NAALADL2: variants seen among roughly 807,000 people sequenced by gnomAD.
NAALADL2 encodes the protein inactive N-acetylated-alpha-linked acidic dipeptidase-like protein 2.
A neutral mutation model predicts 87.2 loss-of-function variants in NAALADL2; 76 were observed. That is an observed-to-expected ratio of 0.87 (90% CI 0.72 to 1.05). The LOEUF is 1.05. Ranked by LOEUF, NAALADL2 falls within the 50% of genes least tolerant of loss-of-function variation. The probability of loss-of-function intolerance (pLI) is 0.00; values close to 1 mark genes in which losing one functional copy is unlikely to be tolerated. For synonymous variants in NAALADL2, 354 were observed against 331.0 expected, an observed-to-expected ratio of 1.07 and a Z score of -0.75; for missense variants, 1,089 against 945.8, an observed-to-expected ratio of 1.15 and a Z score of -1.99.
intron 2 of NAALADL2, among the ~76,000 whole-genome samples, chr3:174,689,767 T>C (rs556551638): frequency 6.6e-6 from 1 of 152,262 alleles, no homozygotes; most frequent in African/African-American, 2.4e-5. Context: ...GGGTGTTGAA[T>C]TGAGTTTTAA....
At chr3:174,988,916 T>G (rs1447366751) in intron 1 of NAALADL2, among the ~76,000 whole-genome samples, 1 of 152,170 alleles carries the variant, frequency 6.6e-6, no homozygotes, top group Non-Finnish European at 1.5e-5. Flanking sequence ...AAAAGAGATT[T>G]ATTTGGCTCA....
intron 6 of NAALADL2, among the ~76,000 whole-genome samples, chr3:175,455,972 A>G (rs185430928): frequency 2.5e-3 from 376 of 152,178 alleles, no homozygotes; most frequent in African/African-American, 8.6e-3. Context: ...CTCTAGAAGA[A>G]CTATGCCTAG....
At chr3:174,794,579 T>G (rs903504303) in intron 3 of NAALADL2, among the ~76,000 whole-genome samples, 3 of 152,158 alleles carry the variant, frequency 2.0e-5, no homozygotes, top group Non-Finnish European at 4.4e-5. Context: ...TTATTTAAGT[T>G]TTGCCATCAA....
intron 2 of NAALADL2, among the ~76,000 whole-genome samples, chr3:175,168,061 G>C (rs542205072): frequency 6.6e-6 from 1 of 151,614 alleles, no homozygotes; most frequent in African/African-American, 2.4e-5. Context: ...CCCAAACCAC[G>C]TTTCCACTTT....
intron 11 of NAALADL2, among the ~76,000 whole-genome samples, chr3:175,717,207 C>T (rs539945116): frequency 1.4e-4 from 21 of 152,186 alleles, no homozygotes; most frequent in South Asian, 2.1e-4. Context: ...CAAAGCACTT[C>T]GATTACAGGT....
intron 2 of NAALADL2, among the ~76,000 whole-genome samples, chr3:174,655,933 G>T (rs942188591): frequency 6.6e-5 from 10 of 152,150 alleles, no homozygotes; most frequent in Admixed American, 5.9e-4. Flanking sequence ...TGATGTTGTT[G>T]TTCTTACCGG....
chr3:175,104,528 G>T (rs929263316), intron 2 of NAALADL2, among the ~76,000 whole-genome samples: 4 of 151,964 alleles, frequency 2.6e-5, no homozygotes, highest in African/African-American at 9.7e-5. Flanking sequence ...CATTATTGTT[G>T]TTCCTATTAT....
At chr3:175,198,042 C>G (rs1739280479) in intron 2 of NAALADL2, among the ~76,000 whole-genome samples, 2 of 151,420 alleles carry the variant, frequency 1.3e-5, no homozygotes, top group South Asian at 2.1e-4. Flanking sequence ...TTAACATAAA[C>G]AAAGTTATCC....
At chr3:175,708,770 T>C (rs1740097933) in intron 11 of NAALADL2, among the ~76,000 whole-genome samples, 1 of 151,800 alleles carries the variant, frequency 6.6e-6, no homozygotes, top group East Asian at 1.9e-4. Context: ...TTTATGGCTC[T>C]CTAAAACAGC....
intron 9 of NAALADL2, among the ~76,000 whole-genome samples, chr3:175,486,650 T>G (rs985239344): frequency 1.3e-5 from 2 of 152,114 alleles, no homozygotes; most frequent in Admixed American, 6.6e-5. Flanking sequence ...GAATGAAACT[T>G]TTTAAATGTG....
chr3:175,523,826 G>C (rs949659287), intron 9 of NAALADL2, among the ~76,000 whole-genome samples: 1 of 152,148 alleles, frequency 6.6e-6, no homozygotes, highest in Non-Finnish European at 1.5e-5. Context: ...GGGTGGAGCA[G>C]GTAATTGAAA....
intron 3 of NAALADL2, among the ~76,000 whole-genome samples, chr3:174,785,962 A>G (rs770340209): frequency 6.6e-6 from 1 of 152,080 alleles, no homozygotes; most frequent in South Asian, 2.1e-4. Context: ...TCCTAAATTA[A>G]TGCACATTAC....
chr3:174,749,278 C>T (rs1471762305), intron 3 of NAALADL2, among the ~76,000 whole-genome samples: 1 of 152,100 alleles, frequency 6.6e-6, no homozygotes. Context: ...TCATTTTCAT[C>T]ATTTGAACTC....
chr3:175,122,069 G>A (rs1256400299), intron 2 of NAALADL2, among the ~76,000 whole-genome samples: 1 of 151,852 alleles, frequency 6.6e-6, no homozygotes, highest in Non-Finnish European at 1.5e-5. Context: ...GCTCTATATT[G>A]TTAGGGGAGC....
chr3:174,615,391 T>C (rs1236179792), intron 2 of NAALADL2, among the ~76,000 whole-genome samples: 1 of 152,146 alleles, frequency 6.6e-6, no homozygotes, highest in Non-Finnish European at 1.5e-5. Context: ...GTGTCAGCAA[T>C]TGATAGAGGT....
intron 11 of NAALADL2, among the ~76,000 whole-genome samples, chr3:175,630,764 T>G (rs1727648101): frequency 6.6e-6 from 1 of 151,714 alleles, no homozygotes; most frequent in Non-Finnish European, 1.5e-5. Context: ...TGAATAATAG[T>G]GTGATATATA....
At chr3:174,482,113 C>G (rs554113773) in intron 1 of NAALADL2, among the ~76,000 whole-genome samples, 5 of 152,062 alleles carry the variant, frequency 3.3e-5, no homozygotes, top group African/African-American at 1.2e-4. Context: ...TAACTCTTTT[C>G]TGTCCAACAC....
chr3:174,598,599 C>T (rs1515600), intron 2 of NAALADL2, among the ~76,000 whole-genome samples: 2 of 152,140 alleles, frequency 1.3e-5, no homozygotes, highest in East Asian at 3.9e-4. Flanking sequence ...TCCCAGTGTC[C>T]TGATAAGGAG....
chr3:174,605,103 T>C (rs1718864736), intron 2 of NAALADL2, among the ~76,000 whole-genome samples: 1 of 152,178 alleles, frequency 6.6e-6, no homozygotes, highest in Non-Finnish European at 1.5e-5. Context: ...AAATACCATC[T>C]TATAACCCAT....
Sources: gnomAD v4.1 joint callset for allele counts (sites outside exome capture counted in the v4.1 genomes callset) on GRCh38, gnomAD v4.1.1 for gene constraint, MANE v1.5 for transcripts, NCBI Gene and HGNC (gene_info 2026-07-23, HGNC 2026-07-21) for gene names.